The following ZNF782 variants were observed in gnomAD, a reference collection of about 807,000 sequenced individuals.
ZNF782 encodes zinc finger protein 782.
Under a neutral mutation model 13.0 loss-of-function variants are expected in ZNF782, and 12 were observed. The ratio of observed to expected loss-of-function variants is 0.92; its 90% CI spans 0.59 to 1.50. The LOEUF (loss-of-function observed/expected upper bound fraction) is 1.50, where lower values mean the gene tolerates loss of function less well. Among genes scored for constraint, ZNF782 ranks in the 40% most tolerant of loss-of-function variants. The probability of loss-of-function intolerance (pLI) is 0.00; values close to 1 mark genes in which losing one functional copy is unlikely to be tolerated. For synonymous variants in ZNF782, 284 were observed against 283.0 expected, an observed-to-expected ratio of 1.00 and a Z score of -0.04; for missense variants, 770 against 822.9, an observed-to-expected ratio of 0.94 and a Z score of 0.79.
the ZNF782 span, chr9:96,931,759 T>C: frequency 6.2e-7 from 1 of 1,611,592 alleles, no homozygotes; most frequent in Non-Finnish European, 8.5e-7. Flanking sequence ...CCGTGAACCC[T>C]GGCACCTCCC....
chr9:96,856,017 T>C (rs1352427649), upstream of ZNF782, among the ~76,000 whole-genome samples: 1 of 152,228 alleles, frequency 6.6e-6, no homozygotes, highest in African/African-American at 2.4e-5. Context: ...TTTTTTCATA[T>C]GTTTGTTGGC....
At position 96,819,249 on chromosome 9, in the gene ZNF782, A is replaced by G. The variant is rs1432287157; in HGVS notation, c.774T>C (p.Phe258=). ...CTGGATTCATGTTCTGAGGAATAATAAAGGTTGATTTATCATATTTGTTTT... is the reference window on the plus strand; with the variant it reads ...CTGGATTCATGTTCTGAGGAATAATGAAGGTTGATTTATCATATTTGTTTT... ...FGENKYDKST[F]IIPQNMNPEK... Residue 258 remains phenylalanine, a synonymous_variant, in exon 6 of 6, where the codon TTT becomes TTC. Coordinates refer to ENST00000481138, the MANE Select transcript of ZNF782 (RefSeq NM_001001662.3). 2 of 1,612,554 alleles carry G rather than the reference A, an allele frequency of 1.2e-6. No homozygotes were observed. The highest frequency in any genetic ancestry group is 2.2e-5 in the East Asian group (1 of 44,864).
At chr9:96,837,372 T>C (rs1340631970) in intron 4 of ZNF782, among the ~76,000 whole-genome samples, 1 of 152,222 alleles carries the variant, frequency 6.6e-6, no homozygotes, top group Non-Finnish European at 1.5e-5. Context: ...TTCTGTAGAA[T>C]TGCTAATACT....
Position 96,839,277 on chromosome 9 carries a change from C to CTT in ZNF782, c.142+5611_142+5612dup, listed in dbSNP as rs201411107. ...TAGAGGAAGCAGGCTTTACTTGGGA[C>CTT]TTTTTTTTTTTTTTTTTTTTTGTCT... On this transcript the variant is annotated intron_variant, in intron 4 of 5. Coordinates refer to ENST00000481138, the MANE Select transcript of ZNF782 (RefSeq NM_001001662.3). Among the ~76,000 whole-genome samples the CTT allele has an allele frequency of 9.4e-3, 941 of 100,086 alleles. 36 individuals are homozygous for CTT. The highest frequency in any genetic ancestry group is 0.062 in the East Asian group (229 of 3,716). The allele number at this position is 100,086 out of a possible 152,430, so 65.7% of individuals were successfully genotyped here. A position where few individuals can be genotyped will look rare whatever the true frequency, so the allele number is the denominator to read the frequency against.
intron 1 of ZNF782, among the ~76,000 whole-genome samples, chr9:96,867,249 A>C (rs1315342509): frequency 6.6e-6 from 1 of 152,184 alleles, no homozygotes; most frequent in East Asian, 1.9e-4. Context: ...TAATAGAGGC[A>C]GGTCTTTCCC....
At chr9:96,842,547 C>A (rs144448277) in intron 4 of ZNF782, among the ~76,000 whole-genome samples, 1 of 152,144 alleles carries the variant, frequency 6.6e-6, no homozygotes, top group East Asian at 1.9e-4. Flanking sequence ...TCTCAACTTA[C>A]ACTTCATGCC....
At chr9:96,899,097 G>A in the ZNF782 span, among the ~76,000 whole-genome samples, 3 of 148,930 alleles carry the variant, frequency 2.0e-5, no homozygotes, top group Non-Finnish European at 4.4e-5. Context: ...CCTATAAGTC[G>A]AATCATATAG....
chr9:96,837,464 T>C (rs1473334993), intron 4 of ZNF782, among the ~76,000 whole-genome samples: 1 of 152,206 alleles, frequency 6.6e-6, no homozygotes, highest in African/African-American at 2.4e-5. Context: ...TTATCAATTT[T>C]GTTGGTTTTT....
At chr9:96,837,814 ACATTT>A (rs1851048409) in intron 4 of ZNF782, among the ~76,000 whole-genome samples, 1 of 152,138 alleles carries the variant, frequency 6.6e-6, no homozygotes, top group South Asian at 2.1e-4. Context: ...CATATTTGTA[ACATTT>A]CTAGTCTTCC....
the ZNF782 span, among the ~76,000 whole-genome samples, chr9:96,918,436 T>C: frequency 6.7e-6 from 1 of 149,874 alleles, no homozygotes; most frequent in Non-Finnish European, 1.5e-5. Flanking sequence ...CCACTATATA[T>C]TGAGTAAGGA....
At chr9:96,899,090 A>G in the ZNF782 span, among the ~76,000 whole-genome samples, 10 of 149,256 alleles carry the variant, frequency 6.7e-5, no homozygotes, top group Non-Finnish European at 1.2e-4. Context: ...GGTACCTCCT[A>G]TAAGTCGAAT....
upstream of ZNF782, among the ~76,000 whole-genome samples, chr9:96,878,296 T>A (rs1324350511): frequency 6.6e-6 from 1 of 152,212 alleles, no homozygotes; most frequent in Non-Finnish European, 1.5e-5. Flanking sequence ...GTGATCCGCC[T>A]GTCTTGGCCT....
At chr9:96,893,763 G>A in the ZNF782 span, 2 of 146,158 alleles carry the variant, frequency 1.4e-5, no homozygotes, top group South Asian at 4.2e-4. Flanking sequence ...CACTTTGGGA[G>A]GCCGAGGTGG....
In ZNF782 at chr9:96,851,997, A is replaced by T; in HGVS notation, c.-36T>A. On this transcript the variant is annotated 5_prime_UTR_variant, in exon 3 of 6. Transcript: ENST00000481138. ...TCTTGGGAGAGTATAGAGAACTGTA[A>T]AGCCTCAGCTGGGGGGACAGAAAGA... The T allele has an allele frequency of 6.2e-7, 1 of 1,611,500 alleles. No homozygotes were observed. Among genetic ancestry groups the T allele is most frequent in the African/African-American group, 1.3e-5 (1 of 74,944 alleles).
the ZNF782 span, among the ~76,000 whole-genome samples, chr9:96,912,198 G>GGAAA: frequency 3.5e-5 from 2 of 56,764 alleles, no homozygotes. Flanking sequence ...ACTCCGTCTC[G>GGAAA]AAAAAAAAAA....
the ZNF782 span, among the ~76,000 whole-genome samples, chr9:96,884,952 G>A: frequency 4.0e-5 from 6 of 151,378 alleles, no homozygotes; most frequent in Non-Finnish European, 8.8e-5. Context: ...CTAACACCAA[G>A]ATAAATCAGA....
At chr9:96,912,685 C>T in the ZNF782 span, among the ~76,000 whole-genome samples, 33 of 151,552 alleles carry the variant, frequency 2.2e-4, no homozygotes, top group East Asian at 5.0e-3. Flanking sequence ...TATGCCATCA[C>T]GCCTGGCTAA....
chr9:96,873,074 TGTTA>T (rs1216845524), intron 1 of ZNF782, among the ~76,000 whole-genome samples: 2 of 141,568 alleles, frequency 1.4e-5, no homozygotes, highest in African/African-American at 3.1e-5. Flanking sequence ...ATCAAATCAC[TGTTA>T]GTTTTTTTTT....
the ZNF782 span, among the ~76,000 whole-genome samples, chr9:96,911,646 C>G: frequency 2.7e-5 from 4 of 150,064 alleles, no homozygotes; most frequent in African/African-American, 7.3e-5. Context: ...TCAGCCTCCC[C>G]AGTAGCTGGG....
Sources: gnomAD v4.1 joint callset for allele counts (sites outside exome capture counted in the v4.1 genomes callset) on GRCh38, gnomAD v4.1.1 for gene constraint, MANE v1.5 for transcripts, NCBI Gene and HGNC (gene_info 2026-07-23, HGNC 2026-07-21) for gene names.